The following PIP5K1B variants were observed in gnomAD, a reference collection of about 807,000 sequenced individuals.
The protein encoded by PIP5K1B is phosphatidylinositol-4-phosphate 5-kinase type 1 beta.
PIP5K1B carries 42 observed loss-of-function variants against 67.0 expected under a neutral mutation model. The observed-to-expected ratio is 0.63, with a 90% CI of 0.49 to 0.81. The LOEUF is 0.81. PIP5K1B is among the 30% of genes least tolerant of loss of function. The pLI is 0.00. For synonymous variants in PIP5K1B, 214 were observed against 231.4 expected, an observed-to-expected ratio of 0.92 and a Z score of 0.68; for missense variants, 459 against 646.3, an observed-to-expected ratio of 0.71 and a Z score of 3.14.
chr9:68,920,220 G>A (rs1245997814), intron 11 of PIP5K1B, among the ~76,000 whole-genome samples: 2 of 152,112 alleles, frequency 1.3e-5, no homozygotes, highest in African/African-American at 2.4e-5. Context: ...AATGACACCT[G>A]CTTGGTGTGA....
intron 7 of PIP5K1B, among the ~76,000 whole-genome samples, chr9:68,892,577 T>C (rs1824851750): frequency 6.6e-6 from 1 of 152,178 alleles, no homozygotes; most frequent in South Asian, 2.1e-4. Flanking sequence ...AATTCTCTAT[T>C]TCAGATCTTT....
In PIP5K1B at chr9:68,935,062, T is replaced by G. The variant is rs765819775; in HGVS notation, c.1357+17T>G. On this transcript the variant is annotated intron_variant, in intron 13 of 15. Coordinates refer to ENST00000265382, the MANE Select transcript of PIP5K1B (RefSeq NM_003558.4). The stretch of plus-strand genomic sequence containing the variant: ...ATGAAGAAGGTAAAGATATGTAACT[T>G]TTTTAAAAAGACAAACGTTCTTGTG... 6 of 1,603,070 alleles carry G rather than the reference T, an allele frequency of 3.7e-6. No homozygotes were observed. The African/African-American group carries it at 6.7e-5, about 18-fold the overall frequency.
chr9:68,896,965 C>T (rs990572907), intron 8 of PIP5K1B, among the ~76,000 whole-genome samples: 13 of 152,158 alleles, frequency 8.5e-5, no homozygotes, highest in Non-Finnish European at 1.5e-4. Flanking sequence ...GAATCCCCTT[C>T]CTAGAGTTAC....
chr9:68,800,696 T>G (rs1832552055), intron 2 of PIP5K1B, among the ~76,000 whole-genome samples: 1 of 152,234 alleles, frequency 6.6e-6, no homozygotes, highest in African/African-American at 2.4e-5. Flanking sequence ...AGGGGCCTTT[T>G]TCTTTGCAGG....
chr9:68,727,293 T>C (rs1476549441), intron 1 of PIP5K1B, among the ~76,000 whole-genome samples: 1 of 152,132 alleles, frequency 6.6e-6, no homozygotes, highest in African/African-American at 2.4e-5. Context: ...ATGAAACTAG[T>C]GGCAGGGATA....
At position 68,876,808 on chromosome 9, in the gene PIP5K1B, A is replaced by AT. The variant is rs756646803; in HGVS notation, c.318+19dup. On this transcript the variant is annotated intron_variant, in intron 6 of 15. Coordinates refer to ENST00000265382, the MANE Select transcript of PIP5K1B (RefSeq NM_003558.4). ...GATGATTACTTGGTAAGAACCTGTC[A>AT]TTTTTCTTCCTTCTATAGAAATGTG... 5.7e-6 allele frequency: 7 copies of AT among 1,223,786 alleles called. No individual in the cohort carries two copies. The highest frequency in any genetic ancestry group is 4.9e-6 in the Non-Finnish European group (4 of 824,126). The allele number at this position is 1,223,786 out of a possible 1,614,324, so 75.8% of individuals were successfully genotyped here.
intron 2 of PIP5K1B, among the ~76,000 whole-genome samples, chr9:68,795,015 T>C (rs11143741): frequency 0.11 from 16,685 of 152,228 alleles, 1,114 homozygotes; most frequent in Non-Finnish European, 0.16. Context: ...ATAATGCATT[T>C]CTGTCTTTCA....
intron 14 of PIP5K1B, among the ~76,000 whole-genome samples, chr9:68,941,545 A>G (rs1026032084): frequency 6.6e-6 from 1 of 152,244 alleles, no homozygotes; most frequent in African/African-American, 2.4e-5. Context: ...ATTTTTATAT[A>G]AGCACTGTTT....
rs116190900 is a variant in PIP5K1B at position 68,890,140 on chromosome 9, C to A, written c.471+1007C>A. On this transcript the variant is annotated intron_variant, in intron 7 of 15. Coordinates refer to ENST00000265382, the MANE Select transcript of PIP5K1B (RefSeq NM_003558.4). ...CTACACTAATACACCGGAACATATTCTATATTAGCTGTTCTCAGCTACTAG... is the reference window on the plus strand; with the variant it reads ...CTACACTAATACACCGGAACATATTATATATTAGCTGTTCTCAGCTACTAG... Among the ~76,000 whole-genome samples, 1,186 of 152,298 alleles carry A rather than the reference C, an allele frequency of 7.8e-3. 19 individuals are homozygous for A. The highest frequency in any genetic ancestry group is 0.027 in the African/African-American group (1,135 of 41,546).
rs370320341 is a variant in PIP5K1B at position 68,849,135 on chromosome 9, C to T, written c.70-14702C>T. Among the ~76,000 whole-genome samples, 24 of 152,188 alleles carry T rather than the reference C, an allele frequency of 1.6e-4. 1 individual carries two copies. The East Asian group carries it at 4.2e-3, about 27-fold the overall frequency. On this transcript the variant is annotated intron_variant, in intron 4 of 15. Coordinates refer to ENST00000265382, the MANE Select transcript of PIP5K1B (RefSeq NM_003558.4). ...TAGGAATCAAAGCTGAAGAAATATT[C>T]AAGAAATAAATGTATAGGAGTATAT...
At chr9:68,715,057 A>G (rs1469595553) in intron 1 of PIP5K1B, among the ~76,000 whole-genome samples, 1 of 152,224 alleles carries the variant, frequency 6.6e-6, no homozygotes, top group Non-Finnish European at 1.5e-5. Context: ...CCTGTCTCTG[A>G]CTGTTGACTG....
intron 4 of PIP5K1B, among the ~76,000 whole-genome samples, chr9:68,853,784 T>C (rs1822614306): frequency 6.6e-6 from 1 of 152,166 alleles, no homozygotes; most frequent in Non-Finnish European, 1.5e-5. Context: ...GGGGGAGAAC[T>C]GCAGACCCCA....
chr9:68,951,275 T>G (rs1179132694), intron 14 of PIP5K1B, among the ~76,000 whole-genome samples: 1 of 152,230 alleles, frequency 6.6e-6, no homozygotes, highest in African/African-American at 2.4e-5. Flanking sequence ...ATGAAGGATT[T>G]GGCTATAATG....
chr9:68,813,223 A>G (rs1833261111), intron 2 of PIP5K1B, among the ~76,000 whole-genome samples: 1 of 152,220 alleles, frequency 6.6e-6, no homozygotes, highest in Non-Finnish European at 1.5e-5. Context: ...TCAAGGTAGG[A>G]GGAGATGAAG....
At position 68,935,120 on chromosome 9, in the gene PIP5K1B, A is replaced by G. The variant is rs923916791; in HGVS notation, c.1357+75A>G. 1.5e-5 allele frequency: 18 copies of G among 1,195,396 alleles called. No individual in the cohort carries two copies. In the African/African-American group the frequency reaches 2.6e-4, roughly 18 times the overall value. The allele number at this position is 1,195,396 out of a possible 1,614,324, so 74.0% of individuals were successfully genotyped here. On this transcript the variant is annotated intron_variant, in intron 13 of 15. Transcript: ENST00000265382. ...TATACAAGTAAATTTGCAGAAGAAA[A>G]ATTTAAAAATACCTGCTCTAAGAAA...
chr9:68,805,987 T>G (rs1227710442), intron 2 of PIP5K1B, among the ~76,000 whole-genome samples: 1 of 152,206 alleles, frequency 6.6e-6, no homozygotes, highest in Non-Finnish European at 1.5e-5. Flanking sequence ...CTGTGCATCT[T>G]TCCACAGTCT....
At chr9:68,846,964 G>A (rs1354405791) in intron 4 of PIP5K1B, among the ~76,000 whole-genome samples, 1 of 152,070 alleles carries the variant, frequency 6.6e-6, no homozygotes, top group Non-Finnish European at 1.5e-5. Context: ...AAAAACTGCA[G>A]GACCAAAATT....
intron 1 of PIP5K1B, among the ~76,000 whole-genome samples, chr9:68,723,781 G>T (rs983874881): frequency 7.3e-6 from 1 of 136,454 alleles, no homozygotes; most frequent in Non-Finnish European, 1.5e-5. Context: ...ATGGATAAAT[G>T]GATAGTTTGC....
intron 2 of PIP5K1B, among the ~76,000 whole-genome samples, chr9:68,743,051 G>A (rs962013168): frequency 1.3e-5 from 2 of 151,990 alleles, no homozygotes; most frequent in African/African-American, 4.8e-5. Flanking sequence ...TTGAATGAAC[G>A]CACATATGTA....
Sources: allele counts gnomAD v4.1 joint callset (sites outside exome capture counted in the v4.1 genomes callset), GRCh38; gene constraint gnomAD v4.1.1; transcripts MANE v1.5; gene names NCBI Gene and HGNC (gene_info 2026-07-23, HGNC 2026-07-21).